DOK7: variants seen among roughly 807,000 people sequenced by gnomAD.
DOK7 encodes the protein protein Dok-7.
A neutral mutation model predicts 30.7 loss-of-function variants in DOK7; 32 were observed. That is an observed-to-expected ratio of 1.04 (90% CI 0.79 to 1.40). DOK7 has a LOEUF of 1.40. Ranked by LOEUF, DOK7 falls within the 40% of genes most tolerant of loss-of-function variation. The pLI, the probability that DOK7 is intolerant of heterozygous loss-of-function variation, is 0.00. For missense variants in DOK7, 1,007 were observed against 699.2 expected, an observed-to-expected ratio of 1.44 and a Z score of -4.97; for synonymous variants, 447 against 324.1, an observed-to-expected ratio of 1.38 and a Z score of -4.07.
intron 2 of DOK7, among the ~76,000 whole-genome samples, chr4:3,463,976 G>A (rs1406547640): frequency 6.6e-6 from 1 of 152,206 alleles, no homozygotes; most frequent in African/African-American, 2.4e-5. Context: ...AGGCAGACGA[G>A]AGGCTGGGCT....
In DOK7 at chr4:3,481,435, CGGGAA is replaced by C. The variant is rs1560216789; in HGVS notation, c.533-4100_533-4096del. ...ATGGACAAGGGGAGGAGGGCCGGCC[CGGGAA>C]GGGGGGGCCTTCTAGAGTGGTGCCC... On this transcript the variant is annotated intron_variant, in intron 4 of 6. Coordinates refer to ENST00000340083, the MANE Select transcript of DOK7 (RefSeq NM_173660.5). Among the ~76,000 whole-genome samples, 8 of 148,798 alleles carry C rather than the reference CGGGAA, an allele frequency of 5.4e-5. No individual in the cohort carries two copies. The East Asian group carries it at 1.6e-3, about 30-fold the overall frequency.
At chr4:3,463,929 G>A (rs1324529259) in intron 2 of DOK7, among the ~76,000 whole-genome samples, 1 of 152,184 alleles carries the variant, frequency 6.6e-6, no homozygotes, top group Non-Finnish European at 1.5e-5. Context: ...GCCTCCAGGG[G>A]TGCTGCGTGG....
intron 5 of DOK7, among the ~76,000 whole-genome samples, chr4:3,486,505 A>C (rs944743459): frequency 7.9e-5 from 12 of 152,134 alleles, no homozygotes; most frequent in African/African-American, 2.4e-4. Flanking sequence ...GGCGAGCAGC[A>C]TGTGGGGTGG....
At chr4:3,495,814 G>T (rs1347223936), downstream of DOK7, among the ~76,000 whole-genome samples, 1 of 152,184 alleles carries the variant, frequency 6.6e-6, no homozygotes, top group Admixed American at 6.5e-5. Context: ...CAGCTGGGGA[G>T]GGGCCCTCTC....
downstream of DOK7, among the ~76,000 whole-genome samples, chr4:3,498,063 G>A (rs1577191526): frequency 6.6e-6 from 1 of 152,278 alleles, no homozygotes; most frequent in African/African-American, 2.4e-5. Flanking sequence ...AGGGGCGCCT[G>A]GGGTCTGTCA....
At chr4:3,492,665 G>A (rs1728557073) in intron 6 of DOK7, 94 bp from the exon 7 acceptor site, 1 of 1,552,434 alleles carries the variant, frequency 6.4e-7, no homozygotes, top group Non-Finnish European at 8.7e-7. Context: ...CGAGACCAGA[G>A]AGTGCTGGCC....
chr4:3,496,946 C>A, downstream of DOK7: 1 of 323,368 alleles, frequency 3.1e-6, no homozygotes, highest in Non-Finnish European at 4.5e-6. Context: ...CAGAGTTTGA[C>A]TAGATGGGGA....
chr4:3,476,190 CTCT>C, intron 3 of DOK7, 149 bp from the exon 4 acceptor site: 1 of 722,390 alleles, frequency 1.4e-6, no homozygotes, highest in South Asian at 1.7e-5. Context: ...CCTCGATGCC[CTCT>C]CACCTCACCC....
At chr4:3,500,841 A>G (rs1331881486) in exon 8 of DOK7, 1 of 1,522,710 alleles carries the variant, frequency 6.6e-7, no homozygotes, top group East Asian at 2.5e-5. Flanking sequence ...CAGCGCCAGG[A>G]GCTGACCGCA....
At chr4:3,463,998 G>A (rs2109313540) in intron 2 of DOK7, among the ~76,000 whole-genome samples, 1 of 152,310 alleles carries the variant, frequency 6.6e-6, no homozygotes, top group East Asian at 1.9e-4. Flanking sequence ...CGGTAGGGCA[G>A]GGCAGAGTGA....
rs879881019 is a variant in DOK7, at chr4:3,468,506, G to GTGTGCGTGTATGTGAC, written c.101-4888_101-4887insTGACTGTGCGTGTATG. 9.1e-3 allele frequency among the ~76,000 whole-genome samples: 1,378 copies of GTGTGCGTGTATGTGAC among 150,762 alleles called. 19 individuals are homozygous for GTGTGCGTGTATGTGAC. Among genetic ancestry groups the GTGTGCGTGTATGTGAC allele is most frequent in the African/African-American group, 0.032 (1,294 of 40,634 alleles). On this transcript the variant is annotated intron_variant, in intron 2 of 6. Transcript: ENST00000340083. ...TACATGTATGAGTGTGCATGTGCGT[G>GTGTGCGTGTATGTGAC]TGTGCGTGTATGAGTGTGTGTGACT...
In DOK7 at chr4:3,494,408, T is replaced by C; in HGVS notation, c.*907T>C. ...CAGCAGCTCCCTGTGAACACCTCTT[T>C]GTCCCTTCACTGTCAGCTGTTTCTA... On this transcript the variant is annotated 3_prime_UTR_variant, in exon 7 of 7. Transcript: ENST00000340083. 1 of 985,862 alleles carries C rather than the reference T, an allele frequency of 1.0e-6. No homozygotes were observed. The highest frequency in any genetic ancestry group is 1.7e-5 in the African/African-American group (1 of 57,392). 61.1% of individuals were successfully genotyped at this position (985,862 alleles called of 1,614,324 possible). A position where few individuals can be genotyped will look rare whatever the true frequency, so the allele number is the denominator to read the frequency against.
chr4:3,497,770 G>A (rs1272486999), downstream of DOK7, among the ~76,000 whole-genome samples: 2 of 152,082 alleles, frequency 1.3e-5, no homozygotes, highest in African/African-American at 2.4e-5. Context: ...GCAGGCAGGG[G>A]CAGCTTGGGA....
At chr4:3,485,714 T>G in intron 5 of DOK7, 56 bp downstream of exon 5, 3 of 1,450,942 alleles carry the variant, frequency 2.1e-6, no homozygotes, top group Non-Finnish European at 2.7e-6. Flanking sequence ...CTGTGCGACG[T>G]CCCGGGGCGG....
intron 4 of DOK7, among the ~76,000 whole-genome samples, chr4:3,476,840 C>T (rs988028205): frequency 6.6e-6 from 1 of 152,244 alleles, no homozygotes; most frequent in Non-Finnish European, 1.5e-5. Context: ...CCGCTCATAT[C>T]CAGATTTCAT....
At chr4:3,486,212 A>G (rs952342928) in intron 5 of DOK7, among the ~76,000 whole-genome samples, 1 of 151,910 alleles carries the variant, frequency 6.6e-6, no homozygotes, top group African/African-American at 2.4e-5. Flanking sequence ...TGGCTGCGGC[A>G]CTCTCTGCAG....
At chr4:3,490,301 C>T (rs1168559043) in intron 6 of DOK7, among the ~76,000 whole-genome samples, 20 of 84,602 alleles carry the variant, frequency 2.4e-4, no homozygotes, top group Non-Finnish European at 3.6e-4. Context: ...TTTCTTCCTC[C>T]GCCCCCCCGG....
At chr4:3,495,109 CCT>C (rs1728831483), downstream of DOK7, among the ~76,000 whole-genome samples, 3 of 152,288 alleles carry the variant, frequency 2.0e-5, no homozygotes, top group South Asian at 2.1e-4. Context: ...AAGCCCCGCC[CCT>C]CTCTGAGCCT....
intron 5 of DOK7, among the ~76,000 whole-genome samples, chr4:3,488,766 C>G (rs1028582776): frequency 1.3e-5 from 2 of 151,536 alleles, no homozygotes; most frequent in Admixed American, 6.5e-5. Context: ...AGGACGGGGT[C>G]GGTTTGCTCT....
Sources: allele counts gnomAD v4.1 joint callset (sites outside exome capture counted in the v4.1 genomes callset), GRCh38; gene constraint gnomAD v4.1.1; transcripts MANE v1.5; gene names NCBI Gene and HGNC (gene_info 2026-07-23, HGNC 2026-07-21).